The following MSRB3 variants were observed in gnomAD, a reference collection of about 807,000 sequenced individuals.
MSRB3 encodes methionine-R-sulfoxide reductase B3.
A neutral mutation model predicts 21.0 loss-of-function variants in MSRB3; 13 were observed. The observed-to-expected ratio is 0.62, with a 90% CI of 0.40 to 0.98. MSRB3 has a LOEUF of 0.98. MSRB3 is among the 50% of genes least tolerant of loss of function. The pLI is 0.00. For synonymous variants in MSRB3, 87 were observed against 88.6 expected (o/e 0.98, Z 0.10); for missense variants, 199 against 230.3 (o/e 0.86, Z 0.88).
At chr12:65,332,123 C>G (rs1042763022) in intron 4 of MSRB3, among the ~76,000 whole-genome samples, 8 of 152,194 alleles carry the variant, frequency 5.3e-5, no homozygotes, top group Non-Finnish European at 8.8e-5. Flanking sequence ...AGGCGAGAGG[C>G]TCTAACTTTA....
chr12:65,323,592 C>T (rs781677173), intron 2 of MSRB3, among the ~76,000 whole-genome samples: 22 of 152,126 alleles, frequency 1.4e-4, no homozygotes, highest in Non-Finnish European at 2.6e-4. Context: ...GAACAGATGT[C>T]ATATAATACT....
intron 5 of MSRB3, among the ~76,000 whole-genome samples, chr12:65,374,724 A>G (rs1878502740): frequency 6.6e-6 from 1 of 152,208 alleles, no homozygotes; most frequent in Admixed American, 6.5e-5. Context: ...TAAAAAATCA[A>G]CTTAGATGAG....
At chr12:65,383,660 AT>A (rs59427831) in intron 5 of MSRB3, among the ~76,000 whole-genome samples, 31,468 of 137,518 alleles carry the variant, frequency 0.23, 3,282 homozygotes, top group Middle Eastern at 0.39. Context: ...TGTTAGTAGA[AT>A]TTTTTTTTTT....
At chr12:65,434,742 A>G (rs1310696989) in intron 5 of MSRB3, among the ~76,000 whole-genome samples, 2 of 151,958 alleles carry the variant, frequency 1.3e-5, no homozygotes, top group African/African-American at 4.8e-5. Flanking sequence ...GATTGTTTCC[A>G]TCTGGAGGTT....
Position 65,278,714 on chromosome 12 carries a change from G to A in MSRB3, c.-203G>A. The A allele has an allele frequency of 2.7e-6, 4 of 1,488,738 alleles. No homozygotes were observed. Among genetic ancestry groups the A allele is most frequent in the Non-Finnish European group, 3.7e-6 (4 of 1,093,148 alleles). 92.2% of individuals were successfully genotyped at this position (1,488,738 alleles called of 1,614,324 possible). On this transcript the variant is annotated 5_prime_UTR_variant, in exon 1 of 7. Coordinates refer to ENST00000308259, the MANE Select transcript of MSRB3 (RefSeq NM_001031679.3). ...CCCGCCGCCCCGTCCGTCGCCCGGA[G>A]CCGGGGAGGGAGGGAGCGAGGTTCG...
Position 65,278,739 on chromosome 12 carries a change from G to A in MSRB3, c.-178G>A. On this transcript the variant is annotated 5_prime_UTR_variant, in exon 1 of 7. Transcript: ENST00000308259. Reference sequence around the variant, plus strand: ...GCCGGGGAGGGAGGGAGCGAGGTTCGGACACCGGCGGCGGCTGCCTGGCCT... The same window carrying A: ...GCCGGGGAGGGAGGGAGCGAGGTTCAGACACCGGCGGCGGCTGCCTGGCCT... 6.4e-7 allele frequency: 1 copy of A among 1,566,366 alleles called. No homozygotes were observed. The highest frequency in any genetic ancestry group is 8.6e-7 in the Non-Finnish European group (1 of 1,157,242).
chr12:65,377,310 T>C (rs1245741527), intron 5 of MSRB3, among the ~76,000 whole-genome samples: 2 of 152,216 alleles, frequency 1.3e-5, no homozygotes, highest in African/African-American at 4.8e-5. Flanking sequence ...AGACAGAGTC[T>C]TGCTCTGTTG....
intron 5 of MSRB3, among the ~76,000 whole-genome samples, chr12:65,406,159 C>A (rs956707695): frequency 6.6e-6 from 1 of 152,058 alleles, no homozygotes; most frequent in Admixed American, 6.6e-5. Context: ...TAAGTGTCAT[C>A]GAGCTTTCTC....
chr12:65,348,194 G>A (rs548636804), intron 4 of MSRB3, among the ~76,000 whole-genome samples: 7 of 152,282 alleles, frequency 4.6e-5, no homozygotes, highest in Middle Eastern at 3.4e-3. Context: ...GGTAGAATTC[G>A]ACTGTGAATC....
chr12:65,393,545 G>A (rs1395805422), intron 5 of MSRB3, among the ~76,000 whole-genome samples: 3 of 150,958 alleles, frequency 2.0e-5, no homozygotes, highest in South Asian at 2.1e-4. Flanking sequence ...GCACGAGAAT[G>A]GCGTGAACCT....
chr12:65,336,197 T>C (rs1875751689), intron 4 of MSRB3, among the ~76,000 whole-genome samples: 1 of 152,084 alleles, frequency 6.6e-6, no homozygotes, highest in South Asian at 2.1e-4. Flanking sequence ...AGGACTTGCT[T>C]GAGACAGGGA....
chr12:65,361,175 C>T (rs920472459), intron 4 of MSRB3, among the ~76,000 whole-genome samples: 4 of 151,960 alleles, frequency 2.6e-5, no homozygotes, highest in South Asian at 2.1e-4. Flanking sequence ...ATCATTGTTT[C>T]GATGAAAGCT....
intron 1 of MSRB3, chr12:65,306,765 T>C: frequency 1.2e-6 from 1 of 841,910 alleles, no homozygotes. Flanking sequence ...CAACAGAATA[T>C]TAAATCACAC....
rs76946263 is a variant in MSRB3 at position 65,418,314 on chromosome 12, A to C, written c.293-35414A>C. Among the ~76,000 whole-genome samples, 220 of 152,256 alleles carry C rather than the reference A, an allele frequency of 1.4e-3. 3 individuals carry two copies. In the East Asian group the frequency reaches 0.034, roughly 23 times the overall value. On this transcript the variant is annotated intron_variant, in intron 5 of 6. Transcript: ENST00000308259. Reference sequence around the variant, plus strand: ...GAAACAGGGTTTTGGGAAGTTATCTATCAAGTCCTTTGCCCGTTTTTAAAT... The same window carrying C: ...GAAACAGGGTTTTGGGAAGTTATCTCTCAAGTCCTTTGCCCGTTTTTAAAT...
intron 1 of MSRB3, among the ~76,000 whole-genome samples, chr12:65,295,232 T>C (rs1300100346): frequency 2.0e-5 from 3 of 152,206 alleles, no homozygotes; most frequent in Non-Finnish European, 4.4e-5. Context: ...AAGTATTAAA[T>C]TGAAAAAGTA....
intron 6 of MSRB3, among the ~76,000 whole-genome samples, chr12:65,459,418 A>G (rs1478795365): frequency 1.3e-5 from 2 of 152,198 alleles, no homozygotes; most frequent in Non-Finnish European, 2.9e-5. Flanking sequence ...CTCACAGCCC[A>G]TCTCTCTTTT....
intron 6 of MSRB3, among the ~76,000 whole-genome samples, chr12:65,455,865 T>C (rs1883066819): frequency 1.3e-5 from 2 of 152,104 alleles, no homozygotes; most frequent in South Asian, 4.1e-4. Flanking sequence ...ACCTCCCAAG[T>C]AGCTGGGACC....
intron 1 of MSRB3, among the ~76,000 whole-genome samples, chr12:65,304,269 C>G (rs1198804649): frequency 6.6e-6 from 1 of 152,070 alleles, no homozygotes; most frequent in Non-Finnish European, 1.5e-5. Context: ...TTTCTCAGAA[C>G]ATGGTTTGGA....
At chr12:65,380,594 A>T (rs1878886880) in intron 5 of MSRB3, among the ~76,000 whole-genome samples, 1 of 152,166 alleles carries the variant, frequency 6.6e-6, no homozygotes, top group African/African-American at 2.4e-5. Flanking sequence ...AAGAATTGGT[A>T]CTTAACTCTG....
Sources: allele counts gnomAD v4.1 joint callset (sites outside exome capture counted in the v4.1 genomes callset), GRCh38; gene constraint gnomAD v4.1.1; transcripts MANE v1.5; gene names NCBI Gene and HGNC (gene_info 2026-07-23, HGNC 2026-07-21).